The following GOLGA8S variants were observed in gnomAD, a reference collection of about 807,000 sequenced individuals.
The protein encoded by GOLGA8S is golgin subfamily A member 8S.
GOLGA8S carries 23 observed loss-of-function variants against 58.9 expected under a neutral mutation model. That is an observed-to-expected ratio of 0.39 (90% CI 0.28 to 0.55). GOLGA8S has a LOEUF of 0.55. Ranked by LOEUF, GOLGA8S falls within the 20% of genes least tolerant of loss-of-function variation. The probability of loss-of-function intolerance (pLI) is 0.63; values close to 1 mark genes in which losing one functional copy is unlikely to be tolerated. For synonymous variants in GOLGA8S, 84 were observed against 195.7 expected (o/e 0.43, Z 4.76); for missense variants, 266 against 514.2 (o/e 0.52, Z 4.67).
downstream of GOLGA8S, among the ~76,000 whole-genome samples, chr15:23,368,173 C>T (rs572714636): frequency 6.6e-6 from 1 of 151,934 alleles, no homozygotes; most frequent in South Asian, 2.1e-4. Flanking sequence ...CTTTATTTGC[C>T]AAGTTTTGTT....
At chr15:23,368,462 G>A (rs1036972191), downstream of GOLGA8S, among the ~76,000 whole-genome samples, 4 of 151,630 alleles carry the variant, frequency 2.6e-5, no homozygotes, top group African/African-American at 9.7e-5. Context: ...AACTATGCAA[G>A]TGTTTATTAA....
chr15:23,356,096 T>C (rs1414974532), intron 1 of GOLGA8S, among the ~76,000 whole-genome samples: 34 of 141,722 alleles, frequency 2.4e-4, no homozygotes, highest in East Asian at 4.2e-4. Context: ...TATACCAGAC[T>C]TCTCTCTGAA....
chr15:23,366,149 G>C (rs989925934), downstream of GOLGA8S: 6 of 151,908 alleles, frequency 3.9e-5, no homozygotes, highest in African/African-American at 1.4e-4. Flanking sequence ...AAGATCATAA[G>C]AAATCCTTTA....
At chr15:23,365,223 C>A, downstream of GOLGA8S, 2 of 1,215,210 alleles carry the variant, frequency 1.6e-6, no homozygotes, top group Admixed American at 1.8e-5. Context: ...CATTTACTTC[C>A]TTTGAATGTT....
chr15:23,364,268 A>C (rs4036674), intron 15 of GOLGA8S, 75 bp from the exon 16 acceptor site: 3 of 1,569,742 alleles, frequency 1.9e-6, no homozygotes, highest in Non-Finnish European at 2.6e-6. Flanking sequence ...ACTCACCTCC[A>C]CCTTCTCCAT....
At chr15:23,366,686 C>G (rs1020965345), downstream of GOLGA8S, 5 of 151,518 alleles carry the variant, frequency 3.3e-5, no homozygotes, top group African/African-American at 1.2e-4. Context: ...TGTGATTGTG[C>G]CTATGCATGA....
chr15:23,357,903 G>A (rs549416275), intron 4 of GOLGA8S, among the ~76,000 whole-genome samples: 6 of 150,042 alleles, frequency 4.0e-5, no homozygotes, highest in African/African-American at 1.5e-4. Flanking sequence ...CTGGTTGTCA[G>A]GGTCCCTGTA....
rs1452428691 is a variant in GOLGA8S at position 23,364,329 on chromosome 15, T to C, written c.1348-14T>C. On this transcript the variant is annotated splice_polypyrimidine_tract_variant and intron_variant, in intron 15 of 18. Transcript: ENST00000562295. ...GGTCGCTGCCGAGATGTGACTACAA[T>C]ATTTTGGCTCCAGAGCAGCTTTATG... is the stretch of plus-strand genomic sequence containing the variant. 1 of 1,600,326 alleles carries C rather than the reference T, an allele frequency of 6.2e-7. No individual in the cohort carries two copies. The highest frequency in any genetic ancestry group is 1.1e-5 in the South Asian group (1 of 90,534).
At chr15:23,359,914 G>T (rs1440808668) in intron 8 of GOLGA8S, among the ~76,000 whole-genome samples, 1 of 148,724 alleles carries the variant, frequency 6.7e-6, no homozygotes, top group African/African-American at 2.5e-5. Flanking sequence ...TCCCATGGTG[G>T]TTGTGAGGAT....
intron 10 of GOLGA8S, 28 bp downstream of exon 10, chr15:23,360,560 C>T (rs2069769930): frequency 1.3e-6 from 1 of 795,408 alleles, no homozygotes; most frequent in Admixed American, 1.8e-5. Flanking sequence ...AGCCCCCCCA[C>T]ATTAGATAGG....
In GOLGA8S at chr15:23,361,461, G is replaced by A. The variant is rs551174118; in HGVS notation, c.1110+5G>A. 1,542 of 773,426 alleles carry A rather than the reference G, an allele frequency of 2.0e-3. 25 individuals carry two copies. In the African/African-American group the frequency reaches 0.023, roughly 12 times the overall value. 47.9% of individuals were successfully genotyped at this position (773,426 alleles called of 1,614,324 possible). A position where few individuals can be genotyped will look rare whatever the true frequency, so the allele number is the denominator to read the frequency against. The stretch of plus-strand genomic sequence containing the variant: ...CAGAACAGCTTCAAGGAGCTGGTGC[G>A]TTGCCCCAGCTGGGGAGCCTGCCCT... On this transcript the variant is annotated splice_donor_5th_base_variant and intron_variant, in intron 12 of 18. Coordinates refer to ENST00000562295, the Ensembl canonical transcript of GOLGA8S.
At chr15:23,360,181 T>C in intron 8 of GOLGA8S, 48 bp from the exon 9 acceptor site, 1 of 758,728 alleles carries the variant, frequency 1.3e-6, no homozygotes, top group Non-Finnish European at 2.4e-6. Context: ...TAAGGGGCAC[T>C]GTGTGGAATG....
chr15:23,365,034 C>T (rs1245542882), exon 19 of GOLGA8S: 7 of 1,580,624 alleles, frequency 4.4e-6, no homozygotes, highest in Non-Finnish European at 6.0e-6. Context: ...AAGCCTACTG[C>T]ACAGCCGATC....
chr15:23,364,497 C>T (rs758230014), intron 16 of GOLGA8S, 29 bp from the exon 17 acceptor site: 4 of 1,605,150 alleles, frequency 2.5e-6, no homozygotes, highest in Middle Eastern at 1.8e-4. Context: ...TCGGAGGGGC[C>T]CCAGCGTCTG....
In GOLGA8S at chr15:23,364,291, C is replaced by T. The variant is rs2069867023; in HGVS notation, c.1348-52C>T. ...CCACCTTCTCCATGACTTGAAAATG[C>T]CACCTGAGGGCAGGTCGCTGCCGAG... is the stretch of plus-strand genomic sequence containing the variant. On this transcript the variant is annotated intron_variant, in intron 15 of 18. Transcript: ENST00000562295. The T allele has an allele frequency of 1.9e-6, 3 of 1,593,364 alleles. No individual in the cohort carries two copies. In the Admixed American group the frequency reaches 5.0e-5, roughly 27 times the overall value.
At chr15:23,365,082 A>G in exon 19 of GOLGA8S, 4 of 1,581,790 alleles carry the variant, frequency 2.5e-6, no homozygotes, top group East Asian at 2.2e-5. Context: ...TTGGGCAACA[A>G]CTGCTGTGTG....
intron 13 of GOLGA8S, among the ~76,000 whole-genome samples, chr15:23,362,222 AAAAG>A (rs1167951478): frequency 1.4e-5 from 2 of 147,058 alleles, no homozygotes; most frequent in African/African-American, 5.1e-5. Context: ...AAAAAACAAA[AAAAG>A]AAAGAAAAAT....
chr15:23,365,737 G>A, downstream of GOLGA8S: 1 of 170,552 alleles, frequency 5.9e-6, no homozygotes, highest in Non-Finnish European at 1.3e-5. Flanking sequence ...TGATGGGAGT[G>A]AAACCTTTTG....
downstream of GOLGA8S, among the ~76,000 whole-genome samples, chr15:23,368,039 A>G (rs888406758): frequency 2.0e-5 from 3 of 151,980 alleles, no homozygotes; most frequent in Non-Finnish European, 2.9e-5. Flanking sequence ...ACTATTAAAA[A>G]TGTAACTGCT....
Sources: allele counts gnomAD v4.1 joint callset (sites outside exome capture counted in the v4.1 genomes callset), GRCh38; gene constraint gnomAD v4.1.1; transcripts MANE v1.5; gene names NCBI Gene and HGNC (gene_info 2026-07-23, HGNC 2026-07-21).